The following TBC1D22A variants were observed in gnomAD, a reference collection of about 807,000 sequenced individuals.
TBC1D22A encodes TBC1 domain family member 22A.
In TBC1D22A, 38 loss-of-function variants were observed where a neutral mutation model predicts 60.2. The observed-to-expected ratio is 0.63, with a 90% CI of 0.49 to 0.83. The LOEUF (loss-of-function observed/expected upper bound fraction) is 0.83. Ranked by LOEUF, TBC1D22A falls within the 40% of genes least tolerant of loss-of-function variation. The pLI, the probability that TBC1D22A is intolerant of heterozygous loss-of-function variation, is 0.00. For missense variants in TBC1D22A, 628 were observed against 701.0 expected, an observed-to-expected ratio of 0.90 and a Z score of 1.18; for synonymous variants, 302 against 281.7, an observed-to-expected ratio of 1.07 and a Z score of -0.72.
chr22:46,976,841 C>T lies in TBC1D22A; in HGVS notation c.1125+2442C>T, dbSNP rs1037130204. Among the ~76,000 whole-genome samples, 13 of 152,302 alleles carry T rather than the reference C, an allele frequency of 8.5e-5. No homozygotes were observed. In the East Asian group the frequency reaches 1.7e-3, roughly 20 times the overall value. On this transcript the variant is annotated intron_variant, in intron 9 of 12. Coordinates refer to ENST00000337137, the MANE Select transcript of TBC1D22A (RefSeq NM_014346.5). ...TCGGCTCTGTGGCAGCCGTCCACGC[C>T]GTTGCTGCAGAGGCTTTATTGGAGC...
intron 12 of TBC1D22A, among the ~76,000 whole-genome samples, chr22:47,151,622 G>A (rs115148696): frequency 0.021 from 3,212 of 152,298 alleles, 93 homozygotes; most frequent in African/African-American, 0.073. Flanking sequence ...GCACTGGGCT[G>A]TGCTGGCTGC....
intron 11 of TBC1D22A, among the ~76,000 whole-genome samples, chr22:47,063,840 A>C (rs2063667251): frequency 6.6e-6 from 1 of 152,116 alleles, no homozygotes; most frequent in Non-Finnish European, 1.5e-5. Context: ...GCCTCACTCC[A>C]GTCTTTGCCT....
At chr22:47,116,152 C>T (rs1209245246) in intron 12 of TBC1D22A, 2 of 152,262 alleles carry the variant, frequency 1.3e-5, no homozygotes, top group Non-Finnish European at 2.9e-5. Context: ...GGGGGCCGCC[C>T]ACGCGGGATC....
At chr22:47,031,142 G>T (rs1284486681) in intron 10 of TBC1D22A, among the ~76,000 whole-genome samples, 1 of 152,216 alleles carries the variant, frequency 6.6e-6, no homozygotes, top group Non-Finnish European at 1.5e-5. Context: ...GTCTCGTGCT[G>T]TGCCTGCCAT....
intron 1 of TBC1D22A, among the ~76,000 whole-genome samples, chr22:46,786,979 C>T (rs1326777425): frequency 6.6e-6 from 1 of 152,274 alleles, no homozygotes; most frequent in African/African-American, 2.4e-5. Flanking sequence ...AGCCAGTGTG[C>T]CCGGCCTCTA....
chr22:46,774,740 C>G (rs2083628363), intron 1 of TBC1D22A, among the ~76,000 whole-genome samples: 1 of 152,096 alleles, frequency 6.6e-6, no homozygotes, highest in Non-Finnish European at 1.5e-5. Context: ...GCTTCGGGGC[C>G]CCTGATATTT....
At chr22:46,899,982 G>A (rs181829322) in intron 7 of TBC1D22A, among the ~76,000 whole-genome samples, 2,144 of 152,066 alleles carry the variant, frequency 0.014, 29 homozygotes, top group Middle Eastern at 0.027. Context: ...CGAAACATTT[G>A]CTTATCCATT....
Position 46,903,266 on chromosome 22 carries a change from G to A in TBC1D22A, c.900+8420G>A, listed in dbSNP as rs530319258. 2.8e-4 allele frequency among the ~76,000 whole-genome samples: 43 copies of A among 152,256 alleles called. No homozygotes were observed. The East Asian group carries it at 7.2e-3, about 25-fold the overall frequency. ...GTGGCACAGCCATCCCAGGCTGCAGGCGAAGGGGCTCCCCTTCGAGAACCC... is the reference window on the plus strand; with the variant it reads ...GTGGCACAGCCATCCCAGGCTGCAGACGAAGGGGCTCCCCTTCGAGAACCC... On this transcript the variant is annotated intron_variant, in intron 7 of 12. Coordinates refer to ENST00000337137, the MANE Select transcript of TBC1D22A (RefSeq NM_014346.5).
chr22:46,957,007 G>A (rs576407168), intron 8 of TBC1D22A, among the ~76,000 whole-genome samples: 3 of 152,350 alleles, frequency 2.0e-5, no homozygotes, highest in East Asian at 1.9e-4. Flanking sequence ...CCCTGGCAGC[G>A]CTGGGCAGAG....
At chr22:46,891,442 T>A in intron 6 of TBC1D22A, 48 bp downstream of exon 6, 3 of 1,544,514 alleles carry the variant, frequency 1.9e-6, no homozygotes, top group Non-Finnish European at 2.6e-6. Flanking sequence ...TACTTTGCTT[T>A]GCTGTGATTT....
In TBC1D22A at chr22:46,910,278, T is replaced by C. The variant is rs953048488; in HGVS notation, c.901-1796T>C. On this transcript the variant is annotated intron_variant, in intron 7 of 12. Coordinates refer to ENST00000337137, the MANE Select transcript of TBC1D22A (RefSeq NM_014346.5). ...GGGGCCTGGACTTTAGGGCTGGTCATGCCACTCTGGGTAGTCTCCTTGGGT... is the reference window on the plus strand; with the variant it reads ...GGGGCCTGGACTTTAGGGCTGGTCACGCCACTCTGGGTAGTCTCCTTGGGT... Among the ~76,000 whole-genome samples, 12 of 152,264 alleles carry C rather than the reference T, an allele frequency of 7.9e-5. No homozygotes were observed. In the East Asian group the frequency reaches 1.9e-3, roughly 25 times the overall value.
chr22:47,090,565 C>T (rs1054316861), intron 11 of TBC1D22A, among the ~76,000 whole-genome samples: 4 of 152,244 alleles, frequency 2.6e-5, no homozygotes, highest in African/African-American at 9.6e-5. Context: ...CAGAAGCTCT[C>T]CTGGGGGTGT....
At chr22:46,885,396 A>G (rs1235357783) in intron 5 of TBC1D22A, among the ~76,000 whole-genome samples, 1 of 152,188 alleles carries the variant, frequency 6.6e-6, no homozygotes, top group Admixed American at 6.5e-5. Flanking sequence ...GTCTGCAGAT[A>G]GGGACAGTGA....
intron 8 of TBC1D22A, among the ~76,000 whole-genome samples, chr22:46,965,668 A>G (rs1189046556): frequency 6.6e-6 from 1 of 152,216 alleles, no homozygotes; most frequent in Admixed American, 6.5e-5. Flanking sequence ...TTAGTAACTA[A>G]TACACACAGG....
At chr22:47,113,101 C>T (rs2147729006) in intron 12 of TBC1D22A, among the ~76,000 whole-genome samples, 1 of 152,316 alleles carries the variant, frequency 6.6e-6, no homozygotes, top group East Asian at 1.9e-4. Flanking sequence ...CAGGCACCCA[C>T]TGGCCTGGCC....
intron 12 of TBC1D22A, among the ~76,000 whole-genome samples, chr22:47,140,367 C>T (rs537058018): frequency 3.3e-5 from 5 of 151,376 alleles, no homozygotes; most frequent in Admixed American, 1.3e-4. Flanking sequence ...GTCAGGAGAT[C>T]GAGACCACAG....
chr22:46,918,914 CCGTT>C (rs2070558954), intron 8 of TBC1D22A, among the ~76,000 whole-genome samples: 2 of 152,168 alleles, frequency 1.3e-5, no homozygotes, highest in African/African-American at 4.8e-5. Flanking sequence ...CCAGCAGTCA[CCGTT>C]CTCCTTCCTT....
intron 4 of TBC1D22A, among the ~76,000 whole-genome samples, chr22:46,804,275 A>G (rs2085033365): frequency 6.6e-6 from 1 of 152,098 alleles, no homozygotes; most frequent in Admixed American, 6.5e-5. Context: ...TTCTCTGCTC[A>G]TTTTGTCACT....
chr22:46,965,610 A>G (rs1284506683), intron 8 of TBC1D22A, among the ~76,000 whole-genome samples: 1 of 152,206 alleles, frequency 6.6e-6, no homozygotes, highest in Non-Finnish European at 1.5e-5. Flanking sequence ...CAGTGGGGGA[A>G]TCTTGGCCAG....
Sources: gnomAD v4.1 joint callset for allele counts (sites outside exome capture counted in the v4.1 genomes callset) on GRCh38, gnomAD v4.1.1 for gene constraint, MANE v1.5 for transcripts, NCBI Gene and HGNC (gene_info 2026-07-23, HGNC 2026-07-21) for gene names.